The following DNAH9 variants were observed in gnomAD, a reference collection of about 807,000 sequenced individuals.
DNAH9 encodes the protein DNAH9 variant protein.
A neutral mutation model predicts 471.6 loss-of-function variants in DNAH9; 345 were observed. The ratio of observed to expected loss-of-function variants is 0.73; its 90% CI spans 0.67 to 0.80. DNAH9 has a LOEUF of 0.80. DNAH9 is among the 30% of genes least tolerant of loss of function. The pLI is 0.00. For synonymous variants in DNAH9, 2,093 were observed against 2,123.6 expected (o/e 0.99, Z 0.40); for missense variants, 5,407 against 5,609.2 (o/e 0.96, Z 1.15).
intron 48 of DNAH9, among the ~76,000 whole-genome samples, chr17:11,830,979 T>C (rs1304695710): frequency 6.6e-6 from 1 of 152,038 alleles, no homozygotes; most frequent in African/African-American, 2.4e-5. Context: ...AGAATAAAGG[T>C]GAACATTTAT....
chr17:11,801,606 G>T (rs1011373534), intron 43 of DNAH9, among the ~76,000 whole-genome samples: 1 of 152,122 alleles, frequency 6.6e-6, no homozygotes, highest in African/African-American at 2.4e-5. Context: ...CAGGAGAATC[G>T]CTTGAACCCG....
In DNAH9 at chr17:11,822,962, C is replaced by A. The variant is rs1181632188; in HGVS notation, c.9174C>A (p.His3058Gln). ...IRLYQSLLHRHRKELKCKTER... is the reference protein window; with the variant it reads ...IRLYQSLLHRQRKELKCKTER... ...TCTACCAGAGCTTGTTGCACAGGCA[C>A]AGAAAAGAGCTCAAGTGCAAGACAG... Residue 3058 changes from histidine (H) to glutamine (Q), a missense_variant, in exon 48 of 69, where the codon CAC becomes CAA. Coordinates refer to ENST00000262442, the MANE Select transcript of DNAH9 (RefSeq NM_001372.4). 8 of 1,614,086 alleles carry A rather than the reference C, an allele frequency of 5.0e-6. No homozygotes were observed. The highest frequency in any genetic ancestry group is 4.2e-6 in the Non-Finnish European group (5 of 1,180,052).
chr17:11,788,477 C>G (rs566570423), intron 41 of DNAH9, among the ~76,000 whole-genome samples: 1 of 152,316 alleles, frequency 6.6e-6, no homozygotes, highest in East Asian at 1.9e-4. Context: ...CAATATATCC[C>G]TGATGTTCTC....
At chr17:11,666,492 G>A (rs1273841011) in intron 15 of DNAH9, among the ~76,000 whole-genome samples, 3 of 152,128 alleles carry the variant, frequency 2.0e-5, no homozygotes, top group African/African-American at 7.2e-5. Context: ...AGGAGGACAG[G>A]GGAACACATT....
chr17:11,790,799 C>T (rs908640212), intron 41 of DNAH9, among the ~76,000 whole-genome samples: 3 of 152,072 alleles, frequency 2.0e-5, no homozygotes, highest in African/African-American at 7.2e-5. Context: ...CCTCTTTTAG[C>T]ATAGTATACA....
At chr17:11,852,814 G>GTGTGTGTATA (rs1169950713) in intron 49 of DNAH9, among the ~76,000 whole-genome samples, 27 of 92,676 alleles carry the variant, frequency 2.9e-4, no homozygotes, top group Non-Finnish European at 4.8e-4. Context: ...GTGTGTGTGT[G>GTGTGTGTATA]TATATATATA....
intron 44 of DNAH9, among the ~76,000 whole-genome samples, chr17:11,809,499 G>A (rs988732394): frequency 7.9e-5 from 12 of 152,080 alleles, no homozygotes; most frequent in Admixed American, 5.2e-4. Flanking sequence ...CCCGAGAGGC[G>A]GAGCTTGCAG....
intron 2 of DNAH9, 88 bp from the exon 3 acceptor site, chr17:11,610,308 T>G: frequency 9.7e-7 from 1 of 1,035,714 alleles, no homozygotes; most frequent in Admixed American, 2.9e-5. Flanking sequence ...AAATTTGGGA[T>G]TCTGTCTTGG....
intron 33 of DNAH9, among the ~76,000 whole-genome samples, chr17:11,756,235 C>T (rs973197776): frequency 2.0e-5 from 3 of 150,730 alleles, no homozygotes; most frequent in Non-Finnish European, 4.4e-5. Flanking sequence ...CAAGATTGTG[C>T]CACTGCACTC....
intron 67 of DNAH9, among the ~76,000 whole-genome samples, chr17:11,953,048 C>T (rs762948972): frequency 1.3e-5 from 2 of 152,232 alleles, no homozygotes; most frequent in South Asian, 2.1e-4. Flanking sequence ...TCTTATAAGG[C>T]GAAAGTCCTA....
intron 39 of DNAH9, among the ~76,000 whole-genome samples, chr17:11,782,635 G>T (rs978250704): frequency 2.0e-5 from 3 of 152,160 alleles, no homozygotes; most frequent in African/African-American, 7.2e-5. Context: ...AGTGGCTTAT[G>T]CCTGTAATCC....
chr17:11,803,379 G>GGTGTGTGTGTGT (rs35385819), intron 43 of DNAH9, among the ~76,000 whole-genome samples: 2 of 150,444 alleles, frequency 1.3e-5, no homozygotes, highest in Non-Finnish European at 3.0e-5. Context: ...ATTCTCTAGG[G>GGTGTGTGTGTGT]GTGTGTGTGT....
At chr17:11,645,614 C>T (rs930581872) in intron 11 of DNAH9, among the ~76,000 whole-genome samples, 1 of 152,144 alleles carries the variant, frequency 6.6e-6, no homozygotes, top group African/African-American at 2.4e-5. Flanking sequence ...CTCCTCGTCA[C>T]CACCTCCAGC....
chr17:11,655,572 T>C (rs2073623894), intron 14 of DNAH9, among the ~76,000 whole-genome samples: 2 of 151,058 alleles, frequency 1.3e-5, no homozygotes, highest in Non-Finnish European at 2.9e-5. Context: ...GGTTGTGTAA[T>C]ATATTGGATA....
At chr17:11,730,863 G>T (rs1044524283) in intron 28 of DNAH9, among the ~76,000 whole-genome samples, 1 of 151,902 alleles carries the variant, frequency 6.6e-6, no homozygotes, top group African/African-American at 2.4e-5. Context: ...TGGTAGTGGT[G>T]GTGATGATTC....
At chr17:11,882,522 C>A (rs935344263) in intron 55 of DNAH9, among the ~76,000 whole-genome samples, 3 of 152,118 alleles carry the variant, frequency 2.0e-5, no homozygotes, top group Admixed American at 6.5e-5. Flanking sequence ...CCGCTTCCTG[C>A]AATCATTCAT....
chr17:11,795,621 T>A (rs770811264), intron 42 of DNAH9, among the ~76,000 whole-genome samples: 6 of 152,216 alleles, frequency 3.9e-5, no homozygotes, highest in Non-Finnish European at 8.8e-5. Context: ...TATTGGGGCC[T>A]GATGTTTGAG....
chr17:11,870,321 T>C (rs530542572), intron 51 of DNAH9, among the ~76,000 whole-genome samples: 3 of 152,346 alleles, frequency 2.0e-5, no homozygotes, highest in Admixed American at 1.3e-4. Flanking sequence ...ATATATCAGC[T>C]AAGACTCTGC....
chr17:11,936,508 T>C (rs1974718728), intron 65 of DNAH9, among the ~76,000 whole-genome samples: 1 of 152,174 alleles, frequency 6.6e-6, no homozygotes, highest in Non-Finnish European at 1.5e-5. Flanking sequence ...TGGTGGCATG[T>C]ACCTGTATTT....
Sources: gnomAD v4.1 joint callset for allele counts (sites outside exome capture counted in the v4.1 genomes callset) on GRCh38, gnomAD v4.1.1 for gene constraint, MANE v1.5 for transcripts, NCBI Gene and HGNC (gene_info 2026-07-23, HGNC 2026-07-21) for gene names.